DOCK11: variants seen among roughly 807,000 people sequenced by gnomAD.
DOCK11 encodes the protein dedicator of cytokinesis protein 11.
A neutral mutation model predicts 169.1 loss-of-function variants in DOCK11; 70 were observed. That is an observed-to-expected ratio of 0.41 (90% CI 0.34 to 0.51). The LOEUF is 0.51. Ranked by LOEUF, DOCK11 falls within the 20% of genes least tolerant of loss-of-function variation. The pLI is 0.10. For synonymous variants in DOCK11, 529 were observed against 541.3 expected (o/e 0.98, Z 0.32); for missense variants, 1,166 against 1,538.8 (o/e 0.76, Z 4.05).
At position 118,643,709 on chromosome X, in the gene DOCK11, G is replaced by C. The variant is rs181715016; in HGVS notation, c.4398+115G>C. 905 of 828,228 alleles carry C rather than the reference G, an allele frequency of 1.1e-3. 8 individuals are homozygous for C. The African/African-American group carries it at 0.017, about 16-fold the overall frequency. 68.3% of individuals were successfully genotyped at this position (828,228 alleles called of 1,213,427 possible). On this transcript the variant is annotated intron_variant, in intron 40 of 52. Transcript: ENST00000276202. ...CAATGCCAGCTCATGAAGCCATTAA[G>C]TACTGCCTTTGTAAATAGAAATACA...
At chrX:118,532,664 C>G (rs2011621875) in intron 1 of DOCK11, among the ~76,000 whole-genome samples, 1 of 108,357 alleles carries the variant, frequency 9.2e-6, no homozygotes, top group Non-Finnish European at 1.9e-5. Context: ...GCCTGTAGCC[C>G]CAGCTACTCG....
chrX:118,640,636 A>C (rs1009466700), intron 38 of DOCK11, among the ~76,000 whole-genome samples: 5 of 112,278 alleles, frequency 4.5e-5, no homozygotes, highest in African/African-American at 1.6e-4. Context: ...ATTATTTCCT[A>C]GTTACATCGC....
At chrX:118,528,428 T>C (rs1354841921) in intron 1 of DOCK11, among the ~76,000 whole-genome samples, 1 of 111,731 alleles carries the variant, frequency 9.0e-6, no homozygotes, top group Non-Finnish European at 1.9e-5. Context: ...GAGGTCCCAG[T>C]TGAACTGAAA....
chrX:118,588,204 G>C lies in DOCK11; in HGVS notation c.1863G>C (p.Glu621Asp). The change falls in exon 17 of 53, where the codon GAG (glutamate) becomes GAC (aspartate). Residue 621 changes from glutamate to aspartate, a missense_variant. Physicochemically the swap from Glu to Asp is conservative, Grantham distance 45 (BLOSUM62 2). Coordinates refer to ENST00000276202, the MANE Select transcript of DOCK11 (RefSeq NM_144658.4). ...FEKNCQNITV[E>D]VEEFVPEMTK... ...AGAATTGCCAAAATATTACTGTGGA[G>C]GTTGAAGAGTTTGTTCCAGAAATGA... is the stretch of plus-strand genomic sequence containing the variant. 1 of 1,205,042 alleles carries C rather than the reference G, an allele frequency of 8.3e-7. No homozygotes were observed. Among genetic ancestry groups the C allele is most frequent in the Non-Finnish European group, 1.1e-6 (1 of 892,308 alleles).
At chrX:118,653,747 T>C (rs1172668330) in intron 42 of DOCK11, among the ~76,000 whole-genome samples, 1 of 111,498 alleles carries the variant, frequency 9.0e-6, no homozygotes. Flanking sequence ...TTCCCCCACA[T>C]ATTGTGTTTA....
intron 1 of DOCK11, among the ~76,000 whole-genome samples, chrX:118,511,877 T>C (rs1324988479): frequency 8.9e-6 from 1 of 112,028 alleles, no homozygotes; most frequent in Non-Finnish European, 1.9e-5. Flanking sequence ...GAACTGTTGC[T>C]TGAATTGAAG....
chrX:118,597,534 T>C lies in DOCK11; in HGVS notation c.2367T>C (p.Asn789=). The stretch of plus-strand genomic sequence containing the variant: ...TTCCCCCAGGCTACTTGAATCTGAA[T>C]GATGCAGAATCAAGAAGGGTAGGAA... The part of the protein sequence containing the change: ...ANLPPGYLNL[N]DAESRRQCNV... The change falls in exon 21 of 53, where the codon AAT becomes AAC. Residue 789 remains asparagine, a synonymous_variant. Coordinates refer to ENST00000276202, the MANE Select transcript of DOCK11 (RefSeq NM_144658.4). 8.3e-7 allele frequency: 1 copy of C among 1,211,467 alleles called. No individual in the cohort carries two copies. The highest frequency in any genetic ancestry group is 1.8e-5 in the South Asian group (1 of 56,973).
intron 34 of DOCK11, 124 bp from the exon 35 acceptor site, chrX:118,630,255 A>T (rs2015203411): frequency 2.2e-6 from 1 of 446,483 alleles, no homozygotes; most frequent in Non-Finnish European, 4.0e-6. Context: ...TCAAGTTGTG[A>T]TATAAAATTT....
chrX:118,634,933 G>T (rs903097827), intron 35 of DOCK11, among the ~76,000 whole-genome samples: 3 of 110,753 alleles, frequency 2.7e-5, no homozygotes, highest in African/African-American at 9.9e-5. Context: ...CACGATGTTG[G>T]TCAGGCTGGT....
chrX:118,670,470 C>A (rs2016441501), intron 45 of DOCK11, among the ~76,000 whole-genome samples: 1 of 111,423 alleles, frequency 9.0e-6, no homozygotes, highest in South Asian at 3.8e-4. Flanking sequence ...TTAGAACCAT[C>A]AGTCGGGAAG....
chrX:118,612,120 C>G (rs2014699449), intron 28 of DOCK11, among the ~76,000 whole-genome samples: 1 of 111,892 alleles, frequency 8.9e-6, no homozygotes, highest in African/African-American at 3.3e-5. Flanking sequence ...CTTCATTTCT[C>G]AAAGCTCTTC....
At chrX:118,607,483 G>A (rs1359626886) in intron 24 of DOCK11, among the ~76,000 whole-genome samples, 1 of 90,330 alleles carries the variant, frequency 1.1e-5, no homozygotes, top group East Asian at 3.6e-4. Flanking sequence ...GTGCAGTGGC[G>A]TGATCTTGGC....
In DOCK11 at chrX:118,590,107, C is replaced by T. The variant is rs760339853; in HGVS notation, c.2047-103C>T. The T allele has an allele frequency of 8.6e-4, 588 of 685,084 alleles. 1 individual carries two copies. Among genetic ancestry groups the T allele is most frequent in the Non-Finnish European group, 1.2e-3 (549 of 450,367 alleles). The allele number at this position is 685,084 out of a possible 1,213,427, so 56.5% of individuals were successfully genotyped here. A position where few individuals can be genotyped will look rare whatever the true frequency, so the allele number is the denominator to read the frequency against. Reference sequence around the variant, plus strand: ...CACGGTGACTGCCAGGTGGGCTTGGCCATGGCCCTATAGTCACAGATGCCT... The same window carrying T: ...CACGGTGACTGCCAGGTGGGCTTGGTCATGGCCCTATAGTCACAGATGCCT... On this transcript the variant is annotated intron_variant, in intron 18 of 52. Transcript: ENST00000276202.
intron 1 of DOCK11, among the ~76,000 whole-genome samples, chrX:118,507,637 A>G (rs1462584950): frequency 8.9e-6 from 1 of 112,037 alleles, no homozygotes; most frequent in African/African-American, 3.2e-5. Flanking sequence ...GGCATGAGCC[A>G]CCGTGCCCGG....
intron 24 of DOCK11, 22 bp downstream of exon 24, chrX:118,605,378 C>T: frequency 9.8e-7 from 1 of 1,017,939 alleles, no homozygotes; most frequent in Non-Finnish European, 1.4e-6. Context: ...TGTTATAATA[C>T]AAAGATGCTA....
intron 23 of DOCK11, among the ~76,000 whole-genome samples, chrX:118,601,244 T>C (rs754271196): frequency 9.1e-6 from 1 of 109,684 alleles, no homozygotes; most frequent in African/African-American, 3.3e-5. Context: ...ATCAACATGG[T>C]GAAACCCATC....
chrX:118,583,441 A>T (rs2013718338), intron 14 of DOCK11, among the ~76,000 whole-genome samples: 2 of 110,809 alleles, frequency 1.8e-5, no homozygotes, highest in African/African-American at 3.3e-5. Context: ...TACACTTTAT[A>T]TATACACACA....
At chrX:118,617,296 C>T (rs1157124361) in intron 30 of DOCK11, among the ~76,000 whole-genome samples, 1 of 108,174 alleles carries the variant, frequency 9.2e-6, no homozygotes, top group Non-Finnish European at 1.9e-5. Context: ...TAGAGACCAG[C>T]GTGGCCAATA....
chrX:118,638,147 A>G lies in DOCK11; in HGVS notation c.4001+20A>G, dbSNP rs758997515. On this transcript the variant is annotated intron_variant, in intron 37 of 52. Transcript: ENST00000276202. ...AGCAAGGTAATTCCCATAGCACTGC[A>G]ATTTCTACTTTTTCCTTCTCTTCCA... 16 of 1,193,863 alleles carry G rather than the reference A, an allele frequency of 1.3e-5. No homozygotes were observed. In the African/African-American group the frequency reaches 2.3e-4, roughly 17 times the overall value.
Sources: allele counts gnomAD v4.1 joint callset (sites outside exome capture counted in the v4.1 genomes callset), GRCh38; gene constraint gnomAD v4.1.1; transcripts MANE v1.5; gene names NCBI Gene and HGNC (gene_info 2026-07-23, HGNC 2026-07-21).